Variants in INTS7 observed in about 807,000 individuals in gnomAD.
INTS7 encodes the protein chromosome 1 open reading frame 73.
INTS7 carries 46 observed loss-of-function variants against 109.2 expected under a neutral mutation model. The observed-to-expected ratio is 0.42, with a 90% CI of 0.33 to 0.54. The LOEUF is 0.54. INTS7 is among the 20% of genes least tolerant of loss of function. The probability of loss-of-function intolerance (pLI) is 0.07; values close to 1 mark genes in which losing one functional copy is unlikely to be tolerated. For synonymous variants in INTS7, 412 were observed against 402.9 expected (o/e 1.02, Z -0.27); for missense variants, 929 against 1,132.4 (o/e 0.82, Z 2.58).
At position 211,952,634 on chromosome 1, in the gene INTS7, C is replaced by T; in HGVS notation, c.2251G>A (p.Val751Ile). ...DSEYERRMMS[V>I]YNHVLEEVES... ...ACCTCCTCCAAGACATGATTATATA[C>T]AGACATCATTCTTCTTTCATATTCA... Residue 751 changes from valine to isoleucine, a missense_variant, in exon 17 of 20, where the codon GTA becomes ATA. Physicochemically the swap from Val to Ile is conservative, Grantham distance 29. Around this residue, in one of 2 missense-constraint regions of INTS7, gnomAD observed 787 missense variants for 901.1 expected, o/e 0.87. Coordinates refer to ENST00000366994, the MANE Select transcript of INTS7 (RefSeq NM_015434.4). 2 of 1,612,104 alleles carry T rather than the reference C, an allele frequency of 1.2e-6. No individual in the cohort carries two copies. The highest frequency in any genetic ancestry group is 1.7e-6 in the Non-Finnish European group (2 of 1,178,394).
At chr1:212,006,991 C>G (rs1369324667) in intron 6 of INTS7, among the ~76,000 whole-genome samples, 1 of 151,786 alleles carries the variant, frequency 6.6e-6, no homozygotes, top group Admixed American at 6.6e-5. Context: ...ATACTCAATC[C>G]TTTCTTTTTT....
intron 16 of INTS7, among the ~76,000 whole-genome samples, chr1:211,958,584 T>C (rs1663469788): frequency 6.6e-6 from 1 of 152,210 alleles, no homozygotes; most frequent in Non-Finnish European, 1.5e-5. Flanking sequence ...ATAAATGACT[T>C]TTAGCCATTT....
intron 7 of INTS7, among the ~76,000 whole-genome samples, chr1:211,998,595 A>G (rs986536135): frequency 1.3e-5 from 2 of 151,698 alleles, no homozygotes; most frequent in Admixed American, 1.3e-4. Context: ...AAACTATAAA[A>G]CTTTTAGGAG....
At chr1:212,029,854 C>A (rs939259266) in intron 1 of INTS7, among the ~76,000 whole-genome samples, 2 of 152,032 alleles carry the variant, frequency 1.3e-5, no homozygotes, top group Non-Finnish European at 2.9e-5. Flanking sequence ...AAACATACAA[C>A]CCACAGCTTA....
At chr1:211,965,795 G>A (rs1466463293) in intron 16 of INTS7, among the ~76,000 whole-genome samples, 2 of 152,166 alleles carry the variant, frequency 1.3e-5, no homozygotes, top group African/African-American at 4.8e-5. Flanking sequence ...CTACCTGAGG[G>A]TGGAAGGTGG....
chr1:211,970,709 T>G (rs1221231141), intron 13 of INTS7, among the ~76,000 whole-genome samples: 1 of 152,198 alleles, frequency 6.6e-6, no homozygotes, highest in Non-Finnish European at 1.5e-5. Context: ...AAATGTCTAA[T>G]TGTATTAGTA....
chr1:211,973,675 AC>A (rs1664276977), intron 13 of INTS7, among the ~76,000 whole-genome samples: 1 of 152,322 alleles, frequency 6.6e-6, no homozygotes, highest in South Asian at 2.1e-4. Context: ...CCTCAAAAAA[AC>A]CCTGAGAGTA....
At position 211,978,477 on chromosome 1, in the gene INTS7, C is replaced by T. The variant is rs1229102377; in HGVS notation, c.1265G>A (p.Gly422Asp). ...ALNCMVKLAKGRPHLSQSVVE... is the reference protein window; with the variant it reads ...ALNCMVKLAKDRPHLSQSVVE... ...TACTGACTGGCTAAGATGGGGCCTG[C>T]CCTTGGCCAACTTCACCATACAGTT... The change falls in exon 11 of 20, where the codon GGC (glycine) becomes GAC (aspartate). Residue 422 changes from glycine to aspartate, a missense_variant. Physicochemically the swap from Gly to Asp is moderately conservative, Grantham distance 94. Coordinates refer to ENST00000366994, the MANE Select transcript of INTS7 (RefSeq NM_015434.4). 1.2e-6 allele frequency: 2 copies of T among 1,614,166 alleles called. No individual in the cohort carries two copies. The highest frequency in any genetic ancestry group is 2.2e-5 in the South Asian group (2 of 91,088).
intron 15 of INTS7, 128 bp from the exon 16 acceptor site, chr1:211,966,626 G>C: frequency 3.2e-6 from 2 of 619,550 alleles, no homozygotes; most frequent in Non-Finnish European, 5.7e-6. Context: ...TTATCAACTC[G>C]AATGGTCTGG....
intron 7 of INTS7, 106 bp downstream of exon 7, chr1:212,006,533 T>C (rs893684161): frequency 4.3e-6 from 2 of 464,482 alleles, no homozygotes; most frequent in African/African-American, 4.1e-5. Context: ...TTTTTCATAT[T>C]CAACCACTTA....
intron 3 of INTS7, among the ~76,000 whole-genome samples, chr1:212,018,547 C>A (rs996029091): frequency 6.7e-6 from 1 of 149,408 alleles, no homozygotes; most frequent in Non-Finnish European, 1.5e-5. Flanking sequence ...CAAACATTAC[C>A]AAAAAAAGCC....
In INTS7 at chr1:212,035,488, C is replaced by G. The variant is rs1300157885; in HGVS notation, c.-51G>C. The G allele has an allele frequency of 2.3e-6, 3 of 1,327,234 alleles. No individual in the cohort carries two copies. The highest frequency in any genetic ancestry group is 2.2e-6 in the Non-Finnish European group (2 of 919,170). 82.2% of individuals were successfully genotyped at this position (1,327,234 alleles called of 1,614,324 possible). A position where few individuals can be genotyped will look rare whatever the true frequency, so the allele number is the denominator to read the frequency against. On this transcript the variant is annotated 5_prime_UTR_variant, in exon 1 of 20. Coordinates refer to ENST00000366994, the MANE Select transcript of INTS7 (RefSeq NM_015434.4). ...TAGTCAGAAAGCTTGCAAACTCTACCCCAGGACCGCCATCTTCCCCCGCCG... is the reference window on the plus strand; with the variant it reads ...TAGTCAGAAAGCTTGCAAACTCTACGCCAGGACCGCCATCTTCCCCCGCCG...
intron 4 of INTS7, among the ~76,000 whole-genome samples, chr1:212,014,411 C>T (rs1666304444): frequency 6.8e-6 from 1 of 146,860 alleles, no homozygotes; most frequent in Non-Finnish European, 1.5e-5. Context: ...GTTGCTGTGA[C>T]CCGAGATTGC....
chr1:212,023,754 A>G (rs1666805402), intron 1 of INTS7, among the ~76,000 whole-genome samples: 1 of 152,112 alleles, frequency 6.6e-6, no homozygotes, highest in African/African-American at 2.4e-5. Context: ...ATTAGGTCCC[A>G]CTTGTCCATT....
intron 7 of INTS7, among the ~76,000 whole-genome samples, chr1:211,995,114 A>C (rs1335800169): frequency 6.6e-6 from 1 of 151,950 alleles, no homozygotes; most frequent in African/African-American, 2.4e-5. Context: ...CAGCCATCAT[A>C]ATTTTCATTC....
chr1:212,006,717 T>G lies in INTS7; in HGVS notation c.801A>C (p.Ala267=), dbSNP rs538439120. ...GATCTTGAATAGCAAGTCTCTTTACTGCCTTCCTGGGATCATTCTTCAAAT... is the reference window on the plus strand; with the variant it reads ...GATCTTGAATAGCAAGTCTCTTTACGGCCTTCCTGGGATCATTCTTCAAAT... ...LQYLKNDPRK[A]VKRLAIQDLK... The change falls in exon 7 of 20, where the codon GCA becomes GCC. Residue 267 remains alanine, a synonymous_variant. Transcript: ENST00000366994. The G allele has an allele frequency of 6.2e-7, 1 of 1,605,538 alleles. No homozygotes were observed. Among genetic ancestry groups the G allele is most frequent in the Admixed American group, 1.7e-5 (1 of 59,708 alleles).
chr1:211,956,536 A>T (rs1663369991), intron 16 of INTS7, among the ~76,000 whole-genome samples: 1 of 152,206 alleles, frequency 6.6e-6, no homozygotes, highest in African/African-American at 2.4e-5. Context: ...GCACAAAGTT[A>T]TTCTTCCCTT....
At chr1:212,017,791 C>T (rs1666505350) in intron 3 of INTS7, among the ~76,000 whole-genome samples, 1 of 152,156 alleles carries the variant, frequency 6.6e-6, no homozygotes, top group African/African-American at 2.4e-5. Context: ...GACATGTAAT[C>T]ACCTAATTAT....
At position 211,942,173 on chromosome 1, in the gene INTS7, G is replaced by A; in HGVS notation, c.2602-62C>T. The A allele has an allele frequency of 2.0e-6, 3 of 1,533,662 alleles. No individual in the cohort carries two copies. The highest frequency in any genetic ancestry group is 2.7e-6 in the Non-Finnish European group (3 of 1,122,864). On this transcript the variant is annotated intron_variant, in intron 19 of 19. Transcript: ENST00000366994. The surrounding 1 kb of genome is among the most constrained non-coding windows in gnomAD (Gnocchi z 4.2). ...AACATTTCTTCAGTGCTTACTATGA[G>A]TTAGGCCCTGTTCTAAGAGCTTATT... is the stretch of plus-strand genomic sequence containing the variant.
Sources: gnomAD v4.1 joint callset for allele counts (sites outside exome capture counted in the v4.1 genomes callset) on GRCh38, gnomAD v4.1.1 for gene constraint, gnomAD v4.1.1 regional missense constraint, Gnocchi (gnomAD v3.1) non-coding constraint, MANE v1.5 for transcripts, NCBI Gene and HGNC (gene_info 2026-07-23, HGNC 2026-07-21) for gene names.